PTCD1: variants seen among roughly 807,000 people sequenced by gnomAD.
PTCD1 encodes the protein pentatricopeptide repeat domain 1.
PTCD1 carries 50 observed loss-of-function variants against 53.4 expected under a neutral mutation model. The ratio of observed to expected loss-of-function variants is 0.94; its 90% CI spans 0.75 to 1.19. The LOEUF (loss-of-function observed/expected upper bound fraction) is 1.19, where lower values mean the gene tolerates loss of function less well. Ranked by LOEUF, PTCD1 falls within the 50% of genes most tolerant of loss-of-function variation. The probability of loss-of-function intolerance (pLI) is 0.00; values close to 1 mark genes in which losing one functional copy is unlikely to be tolerated. For missense variants in PTCD1, 918 were observed against 904.8 expected (o/e 1.01, Z -0.19); for synonymous variants, 413 against 394.8 (o/e 1.05, Z -0.55).
At chr7:99,422,550 A>G (rs115254362) in intron 7 of PTCD1, among the ~76,000 whole-genome samples, 1,953 of 152,348 alleles carry the variant, frequency 0.013, 39 homozygotes, top group African/African-American at 0.045. Context: ...AGGGCAACAG[A>G]GTCCTTGGCG....
At chr7:99,423,609 C>T (rs1795910048) in intron 7 of PTCD1, among the ~76,000 whole-genome samples, 166 bp downstream of exon 7, 1 of 152,094 alleles carries the variant, frequency 6.6e-6, no homozygotes, top group Non-Finnish European at 1.5e-5. Flanking sequence ...CAGACAGGGA[C>T]TCGCAGGCTG....
At chr7:99,420,790 C>T (rs1317673036) in intron 7 of PTCD1, among the ~76,000 whole-genome samples, 1 of 152,054 alleles carries the variant, frequency 6.6e-6, no homozygotes, top group Non-Finnish European at 1.5e-5. Context: ...AACTCCATCT[C>T]TACTAAAAAT....
intron 7 of PTCD1, among the ~76,000 whole-genome samples, chr7:99,423,086 T>G (rs1795889391): frequency 2.0e-5 from 3 of 151,990 alleles, no homozygotes; most frequent in African/African-American, 7.3e-5. Context: ...TCTTTTTTTT[T>G]TTTTTGAGAC....
Position 99,419,214 on chromosome 7 carries a change from T to A in PTCD1, c.*753A>T. On this transcript the variant is annotated 3_prime_UTR_variant, in exon 8 of 8. Transcript: ENST00000292478. ...TAACCTCGGTGTCAACAGCAGCTGG[T>A]TCTACCTTCATGAGGGAGCCAAATT... 1 of 637,432 alleles carries A rather than the reference T, an allele frequency of 1.6e-6. No individual in the cohort carries two copies. The highest frequency in any genetic ancestry group is 2.5e-5 in the Admixed American group (1 of 39,388). 39.5% of individuals were successfully genotyped at this position (637,432 alleles called of 1,614,324 possible).
intron 7 of PTCD1, 25 bp from the exon 8 acceptor site, chr7:99,420,174 A>G (rs1795734980): frequency 6.2e-7 from 1 of 1,613,660 alleles, no homozygotes; most frequent in African/African-American, 1.3e-5. Context: ...GTGAGGCTAG[A>G]ATCACTCCTG....
Position 99,419,120 on chromosome 7 carries a change from G to C in PTCD1, c.*847C>G. 1.9e-6 allele frequency: 1 copy of C among 522,768 alleles called. No individual in the cohort carries two copies. The highest frequency in any genetic ancestry group is 2.1e-5 in the South Asian group (1 of 46,894). 32.4% of individuals were successfully genotyped at this position (522,768 alleles called of 1,614,324 possible). A position where few individuals can be genotyped will look rare whatever the true frequency, so the allele number is the denominator to read the frequency against. The stretch of plus-strand genomic sequence containing the variant: ...CAGAATAACGAGACTCATTCACACC[G>C]ATTTCTTTTTCTTGATTGGCAAACG... On this transcript the variant is annotated 3_prime_UTR_variant, in exon 8 of 8. Coordinates refer to ENST00000292478, the MANE Select transcript of PTCD1 (RefSeq NM_015545.4).
intron 3 of PTCD1, among the ~76,000 whole-genome samples, chr7:99,431,469 C>T (rs2150957623): frequency 6.8e-6 from 1 of 147,216 alleles, no homozygotes; most frequent in South Asian, 2.5e-4. Flanking sequence ...GGGCTGGGTG[C>T]GGTGGCTCAC....
chr7:99,434,921 G>C lies in PTCD1; in HGVS notation c.322C>G (p.Gln108Glu), dbSNP rs745953767. Residue 108 changes from glutamine to glutamate, a missense_variant, in exon 2 of 8, where the codon CAG becomes GAG. Transcript: ENST00000292478. ...TCCCCAAACCGCAGGTTATGGAACT[G>C]GGCTGCGGATTTGCGGAATAGTCTC... is the stretch of plus-strand genomic sequence containing the variant. ...SRRLFRKSAAQFHNLRFGERR... is the reference protein window; with the variant it reads ...SRRLFRKSAAEFHNLRFGERR... The C allele has an allele frequency of 6.2e-7, 1 of 1,614,246 alleles. No individual in the cohort carries two copies. The highest frequency in any genetic ancestry group is 8.5e-7 in the Non-Finnish European group (1 of 1,180,050).
Position 99,418,298 on chromosome 7 carries a change from C to G in PTCD1, c.*1669G>C, listed in dbSNP as rs1447266915. The G allele has an allele frequency of 1.8e-5, 3 of 162,982 alleles. No homozygotes were observed. The highest frequency in any genetic ancestry group is 1.6e-4 in the South Asian group (1 of 6,414). The allele number at this position is 162,982 out of a possible 1,614,324, so 10.1% of individuals were successfully genotyped here. A position where few individuals can be genotyped will look rare whatever the true frequency, so the allele number is the denominator to read the frequency against. ...GTTTCTTCTTTCAGAACTTTCTGTT[C>G]CAAGTACCACTCCTAGGCCAGGCGC... is the stretch of plus-strand genomic sequence containing the variant. On this transcript the variant is annotated 3_prime_UTR_variant, in exon 8 of 8. Coordinates refer to ENST00000292478, the MANE Select transcript of PTCD1 (RefSeq NM_015545.4).
In PTCD1 at chr7:99,424,875, G is replaced by T; in HGVS notation, c.1657C>A (p.Pro553Thr). 1 of 1,614,268 alleles carries T rather than the reference G, an allele frequency of 6.2e-7. No homozygotes were observed. The highest frequency in any genetic ancestry group is 8.5e-7 in the Non-Finnish European group (1 of 1,180,054). Reference protein sequence around the residue: ...LPVLAKRGLVPNLQTFCNLAI... With the variant: ...LPVLAKRGLVTNLQTFCNLAI... The stretch of plus-strand genomic sequence containing the variant: ...AGGTTGCAGAATGTCTGCAGGTTGG[G>T]GACGAGGCCCCTCTTTGCCAGGACC... The change falls in exon 6 of 8, where the codon CCC becomes ACC. Residue 553 changes from proline (P) to threonine (T), a missense_variant. Transcript: ENST00000292478.
intron 3 of PTCD1, among the ~76,000 whole-genome samples, chr7:99,430,774 C>A (rs893997145): frequency 6.6e-5 from 10 of 152,158 alleles, no homozygotes; most frequent in African/African-American, 2.4e-4. Flanking sequence ...AGGTGAGTCA[C>A]CAAAAACAGT....
In PTCD1 at chr7:99,419,497, AC is replaced by A. The variant is rs1427255643; in HGVS notation, c.*469del. On this transcript the variant is annotated 3_prime_UTR_variant, in exon 8 of 8. Transcript: ENST00000292478. ...TTCGCAGGTTCCTGCCTGTCACGCC[AC>A]CCCCTTCCTGGGAGCAGCGAGCAGT... The A allele has an allele frequency of 3.8e-6, 6 of 1,596,334 alleles. No homozygotes were observed. Among genetic ancestry groups the A allele is most frequent in the African/African-American group, 1.3e-5 (1 of 74,528 alleles).
chr7:99,423,803 G>T lies in PTCD1; in HGVS notation c.1892C>A (p.Ala631Glu). 9.3e-6 allele frequency: 15 copies of T among 1,614,154 alleles called. No individual in the cohort carries two copies. The highest frequency in any genetic ancestry group is 1.3e-5 in the Non-Finnish European group (15 of 1,180,020). The change falls in exon 7 of 8, where the codon GCA (alanine) becomes GAA (glutamate). Residue 631 changes from alanine to glutamate, a missense_variant. By Grantham distance (107) the Ala-to-Glu change is moderately radical. Transcript: ENST00000292478. The stretch of plus-strand genomic sequence containing the variant: ...GTCAAAGGTGGGAGGGTACTGGGCT[G>T]CAAACTCCAGCTGGCGGATGACCAC... The part of the protein sequence containing the change: ...NEVVIRQLEF[A>E]AQYPPTFDRY...
At chr7:99,427,122 G>A (rs1471488673) in intron 5 of PTCD1, among the ~76,000 whole-genome samples, 1 of 150,736 alleles carries the variant, frequency 6.6e-6, no homozygotes, top group Non-Finnish European at 1.5e-5. Flanking sequence ...CCCCGTCCGG[G>A]AGGGAGGTGG....
chr7:99,437,970 C>CA (rs1796554795), intron 1 of PTCD1, among the ~76,000 whole-genome samples: 1 of 152,154 alleles, frequency 6.6e-6, no homozygotes, highest in South Asian at 2.1e-4. Context: ...TGGCCCTGCA[C>CA]AAACTGTTAT....
chr7:99,421,568 C>T (rs893345290), intron 7 of PTCD1, among the ~76,000 whole-genome samples: 1 of 149,472 alleles, frequency 6.7e-6, no homozygotes, highest in African/African-American at 2.5e-5. Context: ...GATGGTGAAA[C>T]CCCGTCTCTA....
At chr7:99,432,177 C>G (rs983125256) in intron 3 of PTCD1, among the ~76,000 whole-genome samples, 4 of 152,136 alleles carry the variant, frequency 2.6e-5, no homozygotes, top group Non-Finnish European at 5.9e-5. Flanking sequence ...TCCCCCAGCC[C>G]GACGCCCATA....
At chr7:99,422,777 C>T (rs1795872374) in intron 7 of PTCD1, among the ~76,000 whole-genome samples, 1 of 152,136 alleles carries the variant, frequency 6.6e-6, no homozygotes, top group Admixed American at 6.5e-5. Flanking sequence ...CAGTAAAGAA[C>T]CAGGCAACAT....
At chr7:99,437,267 A>G (rs927063631) in intron 1 of PTCD1, among the ~76,000 whole-genome samples, 3 of 152,226 alleles carry the variant, frequency 2.0e-5, no homozygotes, top group African/African-American at 7.2e-5. Flanking sequence ...ATACTAGTAT[A>G]GATGCTTATT....
Sources: allele counts gnomAD v4.1 joint callset (sites outside exome capture counted in the v4.1 genomes callset), GRCh38; gene constraint gnomAD v4.1.1; transcripts MANE v1.5; gene names NCBI Gene and HGNC (gene_info 2026-07-23, HGNC 2026-07-21).